The following PCDHGA2 variants were observed in gnomAD, a reference collection of about 807,000 sequenced individuals.
The protein encoded by PCDHGA2 is protocadherin gamma-A2.
A neutral mutation model predicts 59.2 loss-of-function variants in PCDHGA2; 40 were observed. The ratio of observed to expected loss-of-function variants is 0.68; its 90% confidence interval spans 0.52 to 0.88. PCDHGA2 has a LOEUF of 0.88. PCDHGA2 is among the 40% of genes least tolerant of loss of function. The pLI, the probability that PCDHGA2 is intolerant of heterozygous loss-of-function variation, is 0.00. For synonymous variants in PCDHGA2, 560 were observed against 526.0 expected (o/e 1.06, Z -0.89); for missense variants, 1,226 against 1,204.0 (o/e 1.02, Z -0.27).
intron 1 of PCDHGA2, chr5:141,361,630 C>T (rs1174960250): frequency 1.2e-6 from 2 of 1,613,914 alleles, no homozygotes; most frequent in South Asian, 1.1e-5. Context: ...CCTGAAGCCG[C>T]GGGAGATTTT....
intron 1 of PCDHGA2, chr5:141,418,385 G>T: frequency 6.2e-7 from 1 of 1,613,930 alleles, no homozygotes; most frequent in Non-Finnish European, 8.5e-7. Context: ...AAGTCCTAAC[G>T]AGTATTTCTC....
chr5:141,488,656 G>A (rs2099678001), intron 1 of PCDHGA2, among the ~76,000 whole-genome samples: 1 of 152,200 alleles, frequency 6.6e-6, no homozygotes, highest in African/African-American at 2.4e-5. Flanking sequence ...ATGGGGGAGG[G>A]TGGGGGAATA....
intron 1 of PCDHGA2, chr5:141,385,250 G>C (rs1448897004): frequency 6.2e-7 from 1 of 1,613,820 alleles, no homozygotes. Context: ...AGCCAGGAGA[G>C]CTGTGAGAAA....
chr5:141,490,030 C>G lies in PCDHGA2; in HGVS notation c.2425-4777C>G, dbSNP rs1361758608. The G allele has an allele frequency of 1.2e-6, 2 of 1,614,150 alleles. No individual in the cohort carries two copies. Among genetic ancestry groups the G allele is most frequent in the African/African-American group, 2.7e-5 (2 of 74,936 alleles). The stretch of plus-strand genomic sequence containing the variant: ...ACCCATTGGTACTCTGCTGCTCCGC[C>G]TCAATGCCACTGATCCAGACGAGGG... On this transcript the variant is annotated intron_variant, in intron 1 of 3. Coordinates refer to ENST00000394576, the MANE Select transcript of PCDHGA2 (RefSeq NM_018915.4). This position sits in a 1 kb window ranked among gnomAD's most constrained non-coding sequence, Gnocchi z 5.4.
At chr5:141,381,657 C>T (rs1224064730) in intron 1 of PCDHGA2, among the ~76,000 whole-genome samples, 5 of 152,134 alleles carry the variant, frequency 3.3e-5, no homozygotes, top group East Asian at 1.9e-4. Context: ...AAATGGGTTG[C>T]TTCTATAGCT....
chr5:141,385,609 A>AT (rs1360178959), intron 1 of PCDHGA2: 2 of 1,138,046 alleles, frequency 1.8e-6, no homozygotes, highest in African/African-American at 3.2e-5. Flanking sequence ...TAACTCATAT[A>AT]TTTTATACAT....
chr5:141,452,303 G>C (rs1271182127), intron 1 of PCDHGA2, among the ~76,000 whole-genome samples: 1 of 152,048 alleles, frequency 6.6e-6, no homozygotes, highest in Non-Finnish European at 1.5e-5. Flanking sequence ...GAAAATATTA[G>C]AGACTCATAC....
At position 141,409,157 on chromosome 5, in the gene PCDHGA2, G is replaced by C. The variant is rs774813801; in HGVS notation, c.2424+67762G>C. 4 of 1,614,054 alleles carry C rather than the reference G, an allele frequency of 2.5e-6. No homozygotes were observed. In the South Asian group the frequency reaches 4.4e-5, roughly 18 times the overall value. ...AGATGTAGAAAGGTACACCATGGAA[G>C]TGGAAGCGAAGGACGGAGGTGGTCT... On this transcript the variant is annotated intron_variant, in intron 1 of 3. Coordinates refer to ENST00000394576, the MANE Select transcript of PCDHGA2 (RefSeq NM_018915.4).
chr5:141,462,652 A>T (rs201168659), intron 1 of PCDHGA2, among the ~76,000 whole-genome samples: 1 of 80,348 alleles, frequency 1.2e-5, no homozygotes, highest in African/African-American at 7.4e-5. Flanking sequence ...TTCCATCCTC[A>T]ATTATCTTCA....
chr5:141,377,273 A>G (rs910126061), intron 1 of PCDHGA2: 1 of 96,864 alleles, frequency 1.0e-5, no homozygotes, highest in African/African-American at 5.8e-5. Flanking sequence ...CTAATGTGGG[A>G]AAAAAAATAA....
rs1301787934 is a variant in PCDHGA2 at position 141,476,164 on chromosome 5, A to G, written c.2425-18643A>G. Reference sequence around the variant, plus strand: ...GCGGACTGGTAAGCACCGGGAGGGTAGTGGGAGTTTTGCTTCTGCTTGGTG... The same window carrying G: ...GCGGACTGGTAAGCACCGGGAGGGTGGTGGGAGTTTTGCTTCTGCTTGGTG... On this transcript the variant is annotated intron_variant, in intron 1 of 3. Transcript: ENST00000394576. This position sits in a 1 kb window ranked among gnomAD's most constrained non-coding sequence, Gnocchi z 7.6. 6.2e-7 allele frequency: 1 copy of G among 1,613,116 alleles called. No individual in the cohort carries two copies.
At position 141,389,005 on chromosome 5, in the gene PCDHGA2, C is replaced by T. The variant is rs757594459; in HGVS notation, c.2424+47610C>T. 81 of 1,613,780 alleles carry T rather than the reference C, an allele frequency of 5.0e-5. No individual in the cohort carries two copies. Among genetic ancestry groups the T allele is most frequent in the Non-Finnish European group, 6.7e-5 (79 of 1,179,858 alleles). On this transcript the variant is annotated intron_variant, in intron 1 of 3. Transcript: ENST00000394576. The stretch of plus-strand genomic sequence containing the variant: ...TTGCTCAAAGTCCGTGACAAGGATT[C>T]CAGACACAATGGAGAAGTGACTTGT...
In PCDHGA2 at chr5:141,485,867, G is replaced by T; in HGVS notation, c.2425-8940G>T. The T allele has an allele frequency of 6.2e-7, 1 of 1,614,164 alleles. No homozygotes were observed. Among genetic ancestry groups the T allele is most frequent in the Non-Finnish European group, 8.5e-7 (1 of 1,180,040 alleles). On this transcript the variant is annotated intron_variant, in intron 1 of 3. Transcript: ENST00000394576. The surrounding 1 kb of genome is among the most constrained non-coding windows in gnomAD (Gnocchi z 5.7). ...TGGCACCGCAGAGCTCCGGGTATCC[G>T]TGCTGGACGTAAACGACAACGCCCC...
intron 1 of PCDHGA2, chr5:141,409,191 A>G: frequency 1.2e-6 from 2 of 1,613,970 alleles, no homozygotes; most frequent in African/African-American, 2.7e-5. Flanking sequence ...CTCTCTACCC[A>G]GTGTAAAGTA....
intron 1 of PCDHGA2, chr5:141,364,946 A>G (rs1467919510): frequency 1.2e-6 from 2 of 1,613,848 alleles, no homozygotes; most frequent in East Asian, 4.5e-5. Flanking sequence ...CGAGAAAGAG[A>G]CTGTTCACGA....
intron 1 of PCDHGA2, chr5:141,341,753 G>A: frequency 2.5e-6 from 1 of 407,612 alleles, no homozygotes; most frequent in Non-Finnish European, 4.3e-6. Flanking sequence ...TATAAAGATT[G>A]GAGTTTATGT....
chr5:141,423,554 A>G (rs1383467583), intron 1 of PCDHGA2: 8 of 1,613,590 alleles, frequency 5.0e-6, no homozygotes, highest in East Asian at 4.5e-5. Flanking sequence ...CAGCCCAACT[A>G]TGGGGACACG....
intron 1 of PCDHGA2, chr5:141,399,668 G>A (rs756009874): frequency 1.7e-5 from 28 of 1,613,644 alleles, no homozygotes; most frequent in Non-Finnish European, 8.5e-7. Flanking sequence ...TTCGCGCAGC[G>A]CGCCTTTGAC....
chr5:141,360,382 G>C, intron 1 of PCDHGA2: 1 of 1,613,906 alleles, frequency 6.2e-7, no homozygotes, highest in South Asian at 1.1e-5. Flanking sequence ...AGAAAGCGGA[G>C]ACTTACTTGT....
Sources: allele counts gnomAD v4.1 joint callset (sites outside exome capture counted in the v4.1 genomes callset), GRCh38; gene constraint gnomAD v4.1.1; non-coding constraint Gnocchi (gnomAD v3.1); transcripts MANE v1.5; gene names NCBI Gene and HGNC (gene_info 2026-07-23, HGNC 2026-07-21).